Variants in COPZ1 observed in about 807,000 individuals in gnomAD.
COPZ1 encodes coatomer subunit zeta-1.
A neutral mutation model predicts 31.7 loss-of-function variants in COPZ1; 4 were observed. The ratio of observed to expected loss-of-function variants is 0.13; its 90% confidence interval spans 0.06 to 0.29. The LOEUF (loss-of-function observed/expected upper bound fraction) is 0.29. Ranked by LOEUF, COPZ1 falls within the 10% of genes least tolerant of loss-of-function variation. The pLI, the probability that COPZ1 is intolerant of heterozygous loss-of-function variation, is 1.00. For synonymous variants in COPZ1, 74 were observed against 79.0 expected, an observed-to-expected ratio of 0.94 and a Z score of 0.33; for missense variants, 156 against 211.5, an observed-to-expected ratio of 0.74 and a Z score of 1.63.
At chr12:54,328,953 A>G in intron 1 of COPZ1, among the ~76,000 whole-genome samples, 1 of 152,186 alleles carries the variant, frequency 6.6e-6, no homozygotes, top group East Asian at 1.9e-4. Context: ...AAATAACAGT[A>G]AGTTCCCTTC....
At chr12:54,346,191 G>A (rs1954058718) in intron 5 of COPZ1, among the ~76,000 whole-genome samples, 1 of 151,978 alleles carries the variant, frequency 6.6e-6, no homozygotes, top group African/African-American at 2.4e-5. Context: ...AGTAGGGAAA[G>A]GCCAAGCATA....
chr12:54,326,387 G>C (rs1953644757), intron 1 of COPZ1, among the ~76,000 whole-genome samples: 1 of 147,952 alleles, frequency 6.8e-6, no homozygotes, highest in Admixed American at 7.0e-5. Context: ...TAATCCACCC[G>C]CCTCGGCCTC....
At chr12:54,341,712 A>T (rs1413440576) in intron 2 of COPZ1, among the ~76,000 whole-genome samples, 1 of 152,220 alleles carries the variant, frequency 6.6e-6, no homozygotes, top group Non-Finnish European at 1.5e-5. Context: ...GCAGAAAAGA[A>T]AGCTAAGATA....
intron 5 of COPZ1, among the ~76,000 whole-genome samples, chr12:54,346,077 G>A (rs1351184963): frequency 1.3e-5 from 2 of 152,012 alleles, no homozygotes; most frequent in Non-Finnish European, 2.9e-5. Context: ...GGACTGGGAG[G>A]GAGCCGAATC....
chr12:54,344,146 T>A (rs1481721827), intron 4 of COPZ1, among the ~76,000 whole-genome samples: 2 of 152,222 alleles, frequency 1.3e-5, no homozygotes, highest in African/African-American at 2.4e-5. Context: ...AAGTCCATGC[T>A]TTTTAAAAAA....
intron 1 of COPZ1, among the ~76,000 whole-genome samples, chr12:54,326,354 A>G (rs1592193526): frequency 7.1e-6 from 1 of 141,618 alleles, no homozygotes; most frequent in Admixed American, 7.4e-5. Flanking sequence ...GTTAGCCAGG[A>G]TGGTCTCGAT....
chr12:54,350,589 C>G lies in COPZ1; in HGVS notation c.*66C>G. 8.0e-7 allele frequency: 1 copy of G among 1,254,624 alleles called. No homozygotes were observed. The allele number at this position is 1,254,624 out of a possible 1,614,324, so 77.7% of individuals were successfully genotyped here. ...TTGCATGTCTGCTGTGAATTTTCAT[C>G]TAGTTCCCCAATCGATGCTCTCAGG... On this transcript the variant is annotated 3_prime_UTR_variant, in exon 9 of 9. Transcript: ENST00000262061.
chr12:54,342,098 C>A, intron 2 of COPZ1, 108 bp from the exon 3 acceptor site: 1 of 763,162 alleles, frequency 1.3e-6, no homozygotes. Flanking sequence ...CTCCCTTGCC[C>A]CATGCCTTGA....
At chr12:54,334,103 T>A (rs188580969) in intron 1 of COPZ1, among the ~76,000 whole-genome samples, 4 of 151,264 alleles carry the variant, frequency 2.6e-5, no homozygotes, top group Admixed American at 2.6e-4. Flanking sequence ...TATTAATAAA[T>A]CTGATATAGG....
In COPZ1 at chr12:54,345,580, CT is replaced by C. The variant is rs1296145595; in HGVS notation, c.317+70del. The C allele has an allele frequency of 2.8e-5, 37 of 1,301,874 alleles. No homozygotes were observed. The East Asian group carries it at 8.6e-4, about 30-fold the overall frequency. The allele number at this position is 1,301,874 out of a possible 1,614,324, so 80.6% of individuals were successfully genotyped here. A position where few individuals can be genotyped will look rare whatever the true frequency, so the allele number is the denominator to read the frequency against. ...GGAAAGAGCAGGGCATTGTTGATTT[CT>C]TTTTGGGAGATAAAGTAACCATTCT... On this transcript the variant is annotated intron_variant, in intron 5 of 8. Transcript: ENST00000262061.
intron 2 of COPZ1, among the ~76,000 whole-genome samples, chr12:54,341,182 C>T (rs890398554): frequency 2.0e-5 from 3 of 152,120 alleles, no homozygotes; most frequent in African/African-American, 7.2e-5. Flanking sequence ...AGAGGCAGTC[C>T]GCCCATGTCC....
intron 1 of COPZ1, among the ~76,000 whole-genome samples, chr12:54,332,628 A>G (rs1045450134): frequency 2.0e-5 from 3 of 150,008 alleles, no homozygotes; most frequent in Non-Finnish European, 3.0e-5. Flanking sequence ...CAGCTATTTG[A>G]GAGGCTGAGG....
intron 1 of COPZ1, among the ~76,000 whole-genome samples, chr12:54,328,121 A>C (rs1303273179): frequency 6.6e-6 from 1 of 151,152 alleles, no homozygotes; most frequent in East Asian, 2.0e-4. Flanking sequence ...AAAAATACAA[A>C]AAAAAATAGC....
chr12:54,337,917 G>A (rs1953902194), intron 1 of COPZ1, among the ~76,000 whole-genome samples: 1 of 152,102 alleles, frequency 6.6e-6, no homozygotes, highest in Admixed American at 6.6e-5. Flanking sequence ...TGTCTTCTAG[G>A]AAGCCAGTGA....
rs752380300 is a variant in COPZ1, at chr12:54,340,472, G to C, written c.19-75G>C. 3.4e-5 allele frequency: 54 copies of C among 1,597,378 alleles called. 3 individuals carry two copies. In the Middle Eastern group the frequency reaches 7.2e-3, roughly 212 times the overall value. On this transcript the variant is annotated intron_variant, in intron 1 of 8. Coordinates refer to ENST00000262061, the MANE Select transcript of COPZ1 (RefSeq NM_016057.3). ...CTGTATCCCCTTGCAGCCCCAGTGG[G>C]ACTAGGGGAAGGTATCTGGTTTACC...
intron 7 of COPZ1, among the ~76,000 whole-genome samples, chr12:54,348,543 C>T (rs983686952): frequency 7.2e-5 from 11 of 152,072 alleles, no homozygotes; most frequent in Non-Finnish European, 4.4e-5. Context: ...TCGAGACCAG[C>T]CTGACCAACA....
intron 2 of COPZ1, 116 bp from the exon 3 acceptor site, chr12:54,342,090 C>G (rs898244112): frequency 1.4e-6 from 1 of 727,258 alleles, no homozygotes; most frequent in Non-Finnish European, 2.5e-6. Flanking sequence ...CAGTATTTCT[C>G]CCTTGCCCCA....
intron 1 of COPZ1, among the ~76,000 whole-genome samples, chr12:54,329,848 A>G (rs547235867): frequency 4.3e-4 from 65 of 152,336 alleles, no homozygotes; most frequent in African/African-American, 1.4e-3. Flanking sequence ...GAATATGTCA[A>G]TGACTTTAAA....
chr12:54,335,009 A>G (rs1187860288), intron 1 of COPZ1, among the ~76,000 whole-genome samples: 1 of 151,976 alleles, frequency 6.6e-6, no homozygotes, highest in African/African-American at 2.4e-5. Context: ...CTCCATCTCT[A>G]CTAAAATAAA....
Sources: gnomAD v4.1 joint callset for allele counts (sites outside exome capture counted in the v4.1 genomes callset) on GRCh38, gnomAD v4.1.1 for gene constraint, MANE v1.5 for transcripts, NCBI Gene and HGNC (gene_info 2026-07-23, HGNC 2026-07-21) for gene names.